ZMYM2: variants seen among roughly 807,000 people sequenced by gnomAD.
ZMYM2 encodes zinc finger MYM-type protein 2.
A neutral mutation model predicts 162.8 loss-of-function variants in ZMYM2; 56 were observed. The ratio of observed to expected loss-of-function variants is 0.34; its 90% CI spans 0.28 to 0.43. The LOEUF is 0.43. ZMYM2 is among the 20% of genes least tolerant of loss of function. The pLI is 1.00. For missense variants in ZMYM2, 1,275 were observed against 1,621.8 expected (o/e 0.79, Z 3.67); for synonymous variants, 510 against 541.6 (o/e 0.94, Z 0.81).
At chr13:19,969,117 A>T (rs2139229890) in intron 2 of ZMYM2, among the ~76,000 whole-genome samples, 1 of 152,330 alleles carries the variant, frequency 6.6e-6, no homozygotes, top group African/African-American at 2.4e-5. Context: ...TTTAAACTTT[A>T]AAATGTATTC....
chr13:20,014,254 A>G (rs1159273856), intron 6 of ZMYM2, among the ~76,000 whole-genome samples: 2 of 152,064 alleles, frequency 1.3e-5, no homozygotes, highest in Non-Finnish European at 2.9e-5. Flanking sequence ...TTGAATTTTT[A>G]GTAGAGATGG....
chr13:19,916,214 A>G, the ZMYM2 span, among the ~76,000 whole-genome samples: 1 of 152,056 alleles, frequency 6.6e-6, no homozygotes. Flanking sequence ...GTCAGGAAAC[A>G]GATGCTGGAG....
chr13:20,083,327 G>A (rs772839175), intron 23 of ZMYM2, among the ~76,000 whole-genome samples: 11 of 152,206 alleles, frequency 7.2e-5, no homozygotes, highest in Non-Finnish European at 1.5e-4. Flanking sequence ...CTCCCAAAGT[G>A]CTGGGATTAC....
At chr13:19,887,406 G>A in the ZMYM2 span, among the ~76,000 whole-genome samples, 3 of 151,668 alleles carry the variant, frequency 2.0e-5, no homozygotes, top group Non-Finnish European at 4.4e-5. Context: ...GCGGGCGCCT[G>A]TAATCCCAGC....
chr13:19,899,816 CA>C, the ZMYM2 span, among the ~76,000 whole-genome samples: 29 of 64,982 alleles, frequency 4.5e-4, no homozygotes, highest in South Asian at 1.3e-3. Context: ...GACTCTGACT[CA>C]AAAAAAAAAA....
the ZMYM2 span, among the ~76,000 whole-genome samples, chr13:19,865,627 TAG>T: frequency 6.6e-6 from 1 of 152,224 alleles, no homozygotes; most frequent in Non-Finnish European, 1.5e-5. Context: ...GTAAGCTCAG[TAG>T]CCACTTGTCA....
the ZMYM2 span, among the ~76,000 whole-genome samples, chr13:19,921,606 AT>A: frequency 1.1e-4 from 16 of 152,314 alleles, no homozygotes; most frequent in African/African-American, 3.1e-4. Flanking sequence ...GATTAAAAAA[AT>A]ATGTATACAC....
At chr13:20,045,975 C>T (rs1299619052) in intron 12 of ZMYM2, among the ~76,000 whole-genome samples, 1 of 150,606 alleles carries the variant, frequency 6.6e-6, no homozygotes, top group Non-Finnish European at 1.5e-5. Flanking sequence ...GGTGCAGTGG[C>T]TTATGCTTGT....
At chr13:19,948,376 A>G in the ZMYM2 span, among the ~76,000 whole-genome samples, 2 of 152,234 alleles carry the variant, frequency 1.3e-5, no homozygotes, top group Non-Finnish European at 2.9e-5. Flanking sequence ...TAAATGGATA[A>G]ATGAACTGTG....
At chr13:20,039,132 C>G (rs1386258998) in intron 12 of ZMYM2, among the ~76,000 whole-genome samples, 4 of 151,710 alleles carry the variant, frequency 2.6e-5, no homozygotes, top group African/African-American at 9.7e-5. Flanking sequence ...GATTTTGTAC[C>G]CTTTGCTGAA....
At chr13:19,922,799 C>G in the ZMYM2 span, among the ~76,000 whole-genome samples, 10 of 151,316 alleles carry the variant, frequency 6.6e-5, no homozygotes, top group Non-Finnish European at 1.5e-4. Flanking sequence ...AGCCGAGATC[C>G]CACCACTGCA....
chr13:19,873,533 T>G, the ZMYM2 span, among the ~76,000 whole-genome samples: 2 of 151,958 alleles, frequency 1.3e-5, no homozygotes, highest in Admixed American at 6.6e-5. Flanking sequence ...CTCAGCCTCC[T>G]GAATAGCTGT....
the ZMYM2 span, among the ~76,000 whole-genome samples, chr13:19,872,463 T>G: frequency 6.6e-6 from 1 of 151,914 alleles, no homozygotes; most frequent in African/African-American, 2.4e-5. Flanking sequence ...GGCAAGAGAA[T>G]TCCTTGAACC....
At chr13:20,017,691 G>C (rs1788578430) in intron 6 of ZMYM2, among the ~76,000 whole-genome samples, 1 of 151,580 alleles carries the variant, frequency 6.6e-6, no homozygotes, top group South Asian at 2.1e-4. Flanking sequence ...CTGTTTTTCG[G>C]GTTGGGTACT....
In ZMYM2 at chr13:20,026,617, T is replaced by C. The variant is rs541550326; in HGVS notation, c.1590T>C (p.Tyr530=). ...QDSFLMQPEK[Y]GKLTTCTGCR... ...TTTTATGTTTCAAATTTTAGAAATA[T>C]GGAAAACTGACAACTTGTACTGGTT... The change falls in exon 8 of 25, where the codon TAT becomes TAC. Residue 530 remains tyrosine (Y), a synonymous_variant. Coordinates refer to ENST00000610343, the MANE Select transcript of ZMYM2 (RefSeq NM_197968.4). 5.9e-5 allele frequency: 93 copies of C among 1,587,888 alleles called. No individual in the cohort carries two copies. In the East Asian group the frequency reaches 1.7e-3, roughly 29 times the overall value.
chr13:19,902,442 C>G, the ZMYM2 span, among the ~76,000 whole-genome samples: 139 of 150,678 alleles, frequency 9.2e-4, 1 homozygote, highest in African/African-American at 3.0e-3. Flanking sequence ...CATGGAGAAA[C>G]CCCATCTCTA....
the ZMYM2 span, among the ~76,000 whole-genome samples, chr13:19,900,604 A>G: frequency 7.2e-4 from 110 of 152,286 alleles, 1 homozygote; most frequent in Admixed American, 2.2e-3. Context: ...TGGGGCCACC[A>G]TTACTCTGAT....
the ZMYM2 span, among the ~76,000 whole-genome samples, chr13:19,889,707 C>A: frequency 6.6e-6 from 1 of 151,772 alleles, no homozygotes; most frequent in African/African-American, 2.4e-5. Context: ...TTTGGTGGTA[C>A]CTGCTGGTGT....
chr13:20,034,498 G>A, intron 11 of ZMYM2, 94 bp downstream of exon 11: 4 of 1,219,376 alleles, frequency 3.3e-6, no homozygotes, highest in Non-Finnish European at 4.3e-6. Context: ...CAATTTTAAT[G>A]TAGCTGAACA....
Sources: gnomAD v4.1 joint callset for allele counts (sites outside exome capture counted in the v4.1 genomes callset) on GRCh38, gnomAD v4.1.1 for gene constraint, MANE v1.5 for transcripts, NCBI Gene and HGNC (gene_info 2026-07-23, HGNC 2026-07-21) for gene names.